Variants in BEST3 observed in about 807,000 individuals in gnomAD.
BEST3 encodes bestrophin 3.
BEST3 carries 50 observed loss-of-function variants against 47.1 expected under a neutral mutation model. The observed-to-expected ratio is 1.06, with a 90% CI of 0.85 to 1.34. The LOEUF is 1.34. BEST3 is among the 40% of genes most tolerant of loss of function. BEST3 has a pLI of 0.00. For synonymous variants in BEST3, 282 were observed against 298.8 expected (o/e 0.94, Z 0.58); for missense variants, 765 against 817.0 (o/e 0.94, Z 0.78).
chr12:69,680,717 C>A (rs1885209373), intron 4 of BEST3, among the ~76,000 whole-genome samples: 1 of 152,134 alleles, frequency 6.6e-6, no homozygotes, highest in Non-Finnish European at 1.5e-5. Flanking sequence ...ATAAAATTTC[C>A]CTCCCTGGAG....
intron 5 of BEST3, among the ~76,000 whole-genome samples, chr12:69,678,485 T>G (rs1430605672): frequency 1.3e-5 from 2 of 152,184 alleles, no homozygotes; most frequent in Non-Finnish European, 2.9e-5. Context: ...AAGGAATACT[T>G]TCTTACAGAG....
At chr12:69,689,039 A>C in intron 4 of BEST3, 1 of 969,260 alleles carries the variant, frequency 1.0e-6, no homozygotes, top group Non-Finnish European at 1.2e-6. Flanking sequence ...CCTTGTCCCC[A>C]CCCCTTTGGG....
intron 5 of BEST3, among the ~76,000 whole-genome samples, chr12:69,678,024 G>C (rs1885023806): frequency 6.6e-6 from 1 of 152,100 alleles, no homozygotes; most frequent in South Asian, 2.1e-4. Context: ...CCCACAAATG[G>C]AGACTATAAC....
At chr12:69,687,868 A>G (rs887514113) in intron 4 of BEST3, among the ~76,000 whole-genome samples, 14 of 152,204 alleles carry the variant, frequency 9.2e-5, no homozygotes, top group African/African-American at 3.4e-4. Context: ...TTAATTTAAG[A>G]TAAGATTTGT....
intron 4 of BEST3, among the ~76,000 whole-genome samples, chr12:69,680,551 C>T (rs2135995016): frequency 6.6e-6 from 1 of 152,162 alleles, no homozygotes; most frequent in Admixed American, 6.5e-5. Flanking sequence ...TCGTGATCCG[C>T]CCTCCTCGGC....
chr12:69,648,961 G>A (rs1883126534), downstream of BEST3, among the ~76,000 whole-genome samples: 1 of 152,170 alleles, frequency 6.6e-6, no homozygotes, highest in Non-Finnish European at 1.5e-5. Flanking sequence ...CAGTCTAGCA[G>A]CTTATTGGCA....
At chr12:69,669,713 T>C (rs1884444124) in intron 9 of BEST3, 2 of 152,228 alleles carry the variant, frequency 1.3e-5, no homozygotes, top group Non-Finnish European at 2.9e-5. Context: ...AATGATCTTT[T>C]GGGGAAGGAA....
intron 5 of BEST3, among the ~76,000 whole-genome samples, chr12:69,678,106 C>T (rs1188842516): frequency 6.6e-6 from 1 of 152,004 alleles, no homozygotes; most frequent in Non-Finnish European, 1.5e-5. Flanking sequence ...ATCGATTGCA[C>T]AAAGTTATTA....
chr12:69,693,560 C>G (rs768830218), intron 4 of BEST3, 114 bp downstream of exon 4: 91 of 944,320 alleles, frequency 9.6e-5, no homozygotes, highest in Non-Finnish European at 1.3e-4. Context: ...CCACCGCGCC[C>G]AACCAATAAA....
At chr12:69,671,609 C>A in intron 8 of BEST3, 30 bp from the exon 9 acceptor site, 1 of 1,606,110 alleles carries the variant, frequency 6.2e-7, no homozygotes, top group Non-Finnish European at 8.5e-7. Flanking sequence ...GTTAGAATAA[C>A]TCAGATGTAA....
chr12:69,695,579 T>C (rs1207273196), intron 2 of BEST3, among the ~76,000 whole-genome samples: 1 of 152,208 alleles, frequency 6.6e-6, no homozygotes, highest in Admixed American at 6.5e-5. Context: ...TGATGACAAT[T>C]ACAGCCAGAA....
chr12:69,665,287 G>A (rs1269018802), intron 9 of BEST3, among the ~76,000 whole-genome samples: 3 of 152,132 alleles, frequency 2.0e-5, no homozygotes, highest in Non-Finnish European at 4.4e-5. Flanking sequence ...TAATGGCTCT[G>A]TCCAAACAAG....
chr12:69,678,774 T>C lies in BEST3; in HGVS notation c.601A>G (p.Ile201Val). The C allele has an allele frequency of 6.2e-7, 1 of 1,614,156 alleles. No homozygotes were observed. The highest frequency in any genetic ancestry group is 1.7e-4 in the Middle Eastern group (1 of 6,060). Residue 201 changes from isoleucine to valine, a missense_variant, in exon 5 of 10, where the codon ATC (isoleucine) becomes GTC (valine). By Grantham distance (29) the Ile-to-Val change is conservative (BLOSUM62 3). Transcript: ENST00000330891. ...LATKARNEGR[I>V]RDSVDLQSLM... ...GATTGCAGATCAACACTGTCTCTGA[T>C]TCTACCTTCATTCCGGGCTTTAGTT...
rs537553449 is a variant in BEST3 at position 69,689,141 on chromosome 12, G to A, written c.481+4533C>T. ...TCAGGGAATCTGCCAAACATTTTCC[G>A]CCATCCCTGAACTTCCTGTTCTTCC... On this transcript the variant is annotated intron_variant, in intron 4 of 9. Transcript: ENST00000330891. The A allele has an allele frequency of 8.7e-4, 861 of 985,466 alleles. 1 individual carries two copies. The highest frequency in any genetic ancestry group is 3.4e-3 in the East Asian group (30 of 8,812). The allele number at this position is 985,466 out of a possible 1,614,324, so 61.0% of individuals were successfully genotyped here.
chr12:69,668,521 G>A (rs985448089), intron 9 of BEST3, among the ~76,000 whole-genome samples: 1 of 152,148 alleles, frequency 6.6e-6, no homozygotes, highest in Non-Finnish European at 1.5e-5. Flanking sequence ...TCAGTCAGGT[G>A]GCTCATTTGA....
At position 69,655,359 on chromosome 12, in the gene BEST3, G is replaced by A. The variant is rs766043596; in HGVS notation, c.1555C>T (p.His519Tyr). The change falls in exon 10 of 10, where the codon CAC becomes TAC. Residue 519 changes from histidine to tyrosine, a missense_variant. By Grantham distance (83) the His-to-Tyr change is moderately conservative. Transcript: ENST00000330891. ...AAGATGGAGGTAGCGGAATCATGGT[G>A]GTAGCCCCCTGATGTGGGCACTGGT... ...EAPVPTSGGY[H>Y]HDSATSILSS... 7 of 1,614,142 alleles carry A rather than the reference G, an allele frequency of 4.3e-6. No individual in the cohort carries two copies. The highest frequency in any genetic ancestry group is 5.9e-6 in the Non-Finnish European group (7 of 1,180,018).
intron 9 of BEST3, among the ~76,000 whole-genome samples, chr12:69,667,066 T>C (rs953092764): frequency 1.3e-5 from 2 of 152,206 alleles, no homozygotes; most frequent in Admixed American, 6.5e-5. Flanking sequence ...TGTCACTTAA[T>C]AGCTTTGAAT....
intron 7 of BEST3, among the ~76,000 whole-genome samples, chr12:69,676,389 C>T (rs568320201): frequency 7.4e-5 from 11 of 147,732 alleles, no homozygotes; most frequent in East Asian, 2.0e-4. Flanking sequence ...CCATCCTGGA[C>T]GACAGAACAA....
chr12:69,688,027 T>C (rs970131877), intron 4 of BEST3, among the ~76,000 whole-genome samples: 9 of 152,212 alleles, frequency 5.9e-5, no homozygotes, highest in Non-Finnish European at 1.2e-4. Flanking sequence ...AGCACCAGCT[T>C]GGTAATGTTT....
Sources: allele counts gnomAD v4.1 joint callset (sites outside exome capture counted in the v4.1 genomes callset), GRCh38; gene constraint gnomAD v4.1.1; transcripts MANE v1.5; gene names NCBI Gene and HGNC (gene_info 2026-07-23, HGNC 2026-07-21).